The following DIAPH1 variants were observed in gnomAD, a reference collection of about 807,000 sequenced individuals.
DIAPH1 encodes diaphanous related formin 1, also known as protein diaphanous homolog 1.
Under a neutral mutation model 140.7 loss-of-function variants are expected in DIAPH1, and 46 were observed. The ratio of observed to expected loss-of-function variants is 0.33; its 90% CI spans 0.26 to 0.42. DIAPH1 has a LOEUF of 0.42. Ranked by LOEUF, DIAPH1 falls within the 10% of genes least tolerant of loss-of-function variation. The probability of loss-of-function intolerance (pLI) is 1.00; values close to 1 mark genes in which losing one functional copy is unlikely to be tolerated. For missense variants in DIAPH1, 1,310 were observed against 1,558.7 expected, an observed-to-expected ratio of 0.84 and a Z score of 2.69; for synonymous variants, 565 against 551.6, an observed-to-expected ratio of 1.02 and a Z score of -0.34.
At chr5:141,522,193 A>AGTG (rs1265290280) in intron 27 of DIAPH1, among the ~76,000 whole-genome samples, 2 of 152,230 alleles carry the variant, frequency 1.3e-5, no homozygotes, top group Non-Finnish European at 2.9e-5. Flanking sequence ...AAGTGTATTT[A>AGTG]GTGGACCCAG....
In DIAPH1 at chr5:141,580,758, C is replaced by T. The variant is rs745385668; in HGVS notation, c.810G>A (p.Pro270=). ...CAGTCACATACATGTCCTCTGGCTG[C>T]GGTAGAATACAAAGAGCAGAAAGCA... ...AKLLSALCIL[P]QPEDMNERVL... The change falls in exon 8 of 28, where the codon CCG becomes CCA. Residue 270 remains proline (P), a synonymous_variant. Coordinates refer to ENST00000389054, the MANE Select transcript of DIAPH1 (RefSeq NM_005219.5). 23 of 1,613,894 alleles carry T rather than the reference C, an allele frequency of 1.4e-5. No homozygotes were observed. The highest frequency in any genetic ancestry group is 1.7e-5 in the Admixed American group (1 of 59,986).
intron 1 of DIAPH1, among the ~76,000 whole-genome samples, chr5:141,601,635 T>G (rs1213287191): frequency 6.6e-6 from 1 of 152,220 alleles, no homozygotes; most frequent in Non-Finnish European, 1.5e-5. Context: ...ACTTTTTCTG[T>G]GAACCAGACT....
At chr5:141,554,290 C>G (rs540901579) in intron 18 of DIAPH1, among the ~76,000 whole-genome samples, 4 of 151,598 alleles carry the variant, frequency 2.6e-5, no homozygotes, top group Admixed American at 6.6e-5. Context: ...CCCGCTCCCC[C>G]CAAAAAAAGG....
At chr5:141,571,400 AAACT>A in intron 18 of DIAPH1, 24 bp downstream of exon 18, 1 of 1,591,160 alleles carries the variant, frequency 6.3e-7, no homozygotes, top group South Asian at 1.1e-5. Flanking sequence ...TCAAGAGACC[AAACT>A]AAAAGGCTCT....
intron 18 of DIAPH1, among the ~76,000 whole-genome samples, chr5:141,554,383 A>G (rs1014836596): frequency 6.6e-6 from 1 of 152,202 alleles, no homozygotes; most frequent in African/African-American, 2.4e-5. Context: ...AAACTTATCC[A>G]ATAAGAAAAA....
chr5:141,561,650 C>A (rs896628607), intron 18 of DIAPH1, among the ~76,000 whole-genome samples: 14 of 152,142 alleles, frequency 9.2e-5, no homozygotes, highest in Non-Finnish European at 1.9e-4. Context: ...CTAACAAAAT[C>A]TCTGTTACAG....
chr5:141,525,111 G>T (rs1244815812), intron 26 of DIAPH1, among the ~76,000 whole-genome samples: 3 of 152,306 alleles, frequency 2.0e-5, no homozygotes, highest in Admixed American at 6.5e-5. Context: ...AAGGATACTT[G>T]GTGTGGGCTT....
chr5:141,550,724 C>T (rs2099891558), intron 18 of DIAPH1, among the ~76,000 whole-genome samples: 1 of 152,166 alleles, frequency 6.6e-6, no homozygotes, highest in African/African-American at 2.4e-5. Flanking sequence ...ATCCTTCCAC[C>T]TCAGCCTCCT....
rs536098648 is a variant in DIAPH1, at chr5:141,519,016, T to A, written c.3662-2008A>T. ...GGTTGTCTACCAAGAGGAGAAAGAA[T>A]AGTGAAGACCCTGACTGACAGCCAC... On this transcript the variant is annotated intron_variant, in intron 27 of 27. Coordinates refer to ENST00000389054, the MANE Select transcript of DIAPH1 (RefSeq NM_005219.5). The A allele has an allele frequency of 4.0e-5, 62 of 1,549,922 alleles. No individual in the cohort carries two copies. The South Asian group carries it at 5.9e-4, about 15-fold the overall frequency.
chr5:141,529,118 G>T (rs907807801), intron 21 of DIAPH1, 54 bp downstream of exon 21: 2 of 1,565,468 alleles, frequency 1.3e-6, no homozygotes, highest in East Asian at 2.2e-5. Context: ...GCTCTCTAGA[G>T]GGGAGGGGAA....
At position 141,584,116 on chromosome 5, in the gene DIAPH1, G is replaced by A. The variant is rs372807596; in HGVS notation, c.402+8C>T. 51 of 1,574,396 alleles carry A rather than the reference G, an allele frequency of 3.2e-5. No homozygotes were observed. The highest frequency in any genetic ancestry group is 2.6e-5 in the Non-Finnish European group (30 of 1,144,596). ...TCCCATGTCATGGGTACCTGTCCCA[G>A]GACTCACAGCCTTGGAGGTGTACAA... is the stretch of plus-strand genomic sequence containing the variant. On this transcript the variant is annotated splice_region_variant and intron_variant, in intron 4 of 27. Transcript: ENST00000389054.
At position 141,618,970 on chromosome 5, in the gene DIAPH1, TCCGCGCCCG is replaced by T; in HGVS notation, c.-65_-57del. On this transcript the variant is annotated 5_prime_UTR_variant, in exon 1 of 28. Transcript: ENST00000389054. Reference sequence around the variant, plus strand: ...GCCTACGCCGCTCCCGCCTGGCAGCTCCGCGCCCGCCGCCGCCCAGTCGCTCTTTAGCCA... The same window carrying T: ...GCCTACGCCGCTCCCGCCTGGCAGCTCCGCCGCCCAGTCGCTCTTTAGCCA... 2 of 1,016,534 alleles carry T rather than the reference TCCGCGCCCG, an allele frequency of 2.0e-6. No homozygotes were observed. The highest frequency in any genetic ancestry group is 2.7e-6 in the Non-Finnish European group (2 of 750,478). 63.0% of individuals were successfully genotyped at this position (1,016,534 alleles called of 1,614,324 possible). A position where few individuals can be genotyped will look rare whatever the true frequency, so the allele number is the denominator to read the frequency against.
At chr5:141,574,676 TTTAG>T (rs1440826110) in intron 15 of DIAPH1, among the ~76,000 whole-genome samples, 2 of 152,126 alleles carry the variant, frequency 1.3e-5, no homozygotes, top group Non-Finnish European at 2.9e-5. Context: ...TTTTTAACAG[TTTAG>T]TTTTTATTCC....
At chr5:141,540,444 G>A (rs2099889798) in intron 18 of DIAPH1, among the ~76,000 whole-genome samples, 1 of 152,030 alleles carries the variant, frequency 6.6e-6, no homozygotes, top group Non-Finnish European at 1.5e-5. Context: ...CACACGCCCA[G>A]CTAATTTTTA....
At chr5:141,560,155 A>G (rs952461883) in intron 18 of DIAPH1, among the ~76,000 whole-genome samples, 1 of 152,232 alleles carries the variant, frequency 6.6e-6, no homozygotes. Flanking sequence ...TAAGTTCCAT[A>G]TACTGTACTG....
At chr5:141,587,011 A>G in intron 3 of DIAPH1, 31 bp downstream of exon 3, 2 of 1,613,588 alleles carry the variant, frequency 1.2e-6, no homozygotes, top group Non-Finnish European at 1.7e-6. Flanking sequence ...ATGCACAGGA[A>G]GAAGCAACAT....
rs371439409 is a variant in DIAPH1 at position 141,588,326 on chromosome 5, C to A, written c.118-76G>T. ...ACAAGGAAACCTCCCAAACACCAGA[C>A]GGGTTGGGGAAAAGAGGGAGAGAAG... On this transcript the variant is annotated intron_variant, in intron 1 of 27. Transcript: ENST00000389054. The A allele has an allele frequency of 3.0e-5, 33 of 1,095,188 alleles. No homozygotes were observed. In the African/African-American group the frequency reaches 3.1e-4, roughly 10 times the overall value. The allele number at this position is 1,095,188 out of a possible 1,614,324, so 67.8% of individuals were successfully genotyped here.
At chr5:141,556,229 T>C (rs1041569379) in intron 18 of DIAPH1, among the ~76,000 whole-genome samples, 1 of 152,192 alleles carries the variant, frequency 6.6e-6, no homozygotes, top group Non-Finnish European at 1.5e-5. Flanking sequence ...CACAGTATTA[T>C]ATTTTTTCTT....
chr5:141,579,282 C>T (rs1562326536), intron 8 of DIAPH1, 86 bp from the exon 9 acceptor site: 1 of 963,294 alleles, frequency 1.0e-6, no homozygotes, highest in South Asian at 1.3e-5. Context: ...GGGGCACAGA[C>T]CGATTAGGAA....
Sources: allele counts gnomAD v4.1 joint callset (sites outside exome capture counted in the v4.1 genomes callset), GRCh38; gene constraint gnomAD v4.1.1; transcripts MANE v1.5; gene names NCBI Gene and HGNC (gene_info 2026-07-23, HGNC 2026-07-21).